The following ABR variants were observed in gnomAD, a reference collection of about 807,000 sequenced individuals.
The protein encoded by ABR is ABR activator of RhoGEF and GTPase.
Under a neutral mutation model 107.2 loss-of-function variants are expected in ABR, and 35 were observed. The observed-to-expected ratio is 0.33, with a 90% confidence interval of 0.25 to 0.43. The LOEUF (loss-of-function observed/expected upper bound fraction) is 0.43. Ranked by LOEUF, ABR falls within the 20% of genes least tolerant of loss-of-function variation. ABR has a pLI of 1.00. For missense variants in ABR, 815 were observed against 1,115.2 expected (o/e 0.73, Z 3.83); for synonymous variants, 498 against 462.0 (o/e 1.08, Z -1.00).
chr17:1,088,154 G>C (rs562758796), intron 4 of ABR, among the ~76,000 whole-genome samples: 75 of 152,308 alleles, frequency 4.9e-4, no homozygotes, highest in Middle Eastern at 3.4e-3. Flanking sequence ...GCTGGGGAGG[G>C]AAAGTGGTGG....
chr17:1,011,676 A>C lies in ABR; in HGVS notation c.2101+170T>G, dbSNP rs1567563066. Reference sequence around the variant, plus strand: ...CAGTTGCTTACCTGCAGCAAGGGACAAGAGATTGGAGGGGAGGGGATTACA... The same window carrying C: ...CAGTTGCTTACCTGCAGCAAGGGACCAGAGATTGGAGGGGAGGGGATTACA... On this transcript the variant is annotated intron_variant, in intron 19 of 22. Transcript: ENST00000302538. This position sits in a 1 kb window ranked among gnomAD's most constrained non-coding sequence, Gnocchi z 4.8. The C allele has an allele frequency of 1.3e-6, 1 of 756,810 alleles. No homozygotes were observed. The highest frequency in any genetic ancestry group is 3.2e-5 in the Admixed American group (1 of 31,136). 46.9% of individuals were successfully genotyped at this position (756,810 alleles called of 1,614,324 possible). A position where few individuals can be genotyped will look rare whatever the true frequency, so the allele number is the denominator to read the frequency against.
intron 2 of ABR, among the ~76,000 whole-genome samples, chr17:1,108,501 G>C (rs947665529): frequency 6.6e-6 from 1 of 152,274 alleles, no homozygotes; most frequent in Non-Finnish European, 1.5e-5. Context: ...CTTCAAGGAA[G>C]CTCAGTGACC....
At chr17:1,014,297 C>T (rs985323504) in intron 16 of ABR, among the ~76,000 whole-genome samples, 13 of 135,452 alleles carry the variant, frequency 9.6e-5, no homozygotes, top group South Asian at 2.6e-4. Flanking sequence ...AAAAATTAGC[C>T]GGGCGTGGTG....
At chr17:1,031,534 G>GC (rs1450964404) in intron 16 of ABR, 5 of 147,362 alleles carry the variant, frequency 3.4e-5, no homozygotes, top group Admixed American at 7.8e-5. Flanking sequence ...AGCCCCCGCA[G>GC]CCCCCCGAGC....
chr17:1,200,294 A>G lies in ABR; in HGVS notation c.838+28499T>C, dbSNP rs531267113. Among the ~76,000 whole-genome samples, 309 of 152,296 alleles carry G rather than the reference A, an allele frequency of 2.0e-3. 2 individuals carry two copies. Among genetic ancestry groups the G allele is most frequent in the Admixed American group, 3.9e-3 (60 of 15,284 alleles). On this transcript the variant is annotated intron_variant, in intron 1 of 22. Transcript: ENST00000574139. This position sits in a 1 kb window ranked among gnomAD's most constrained non-coding sequence, Gnocchi z 4.1. ...GGCAGGCATGGTGACTCACGCCTGTAATCCCAACACTTTCGGACGATCGCT... is the reference window on the plus strand; with the variant it reads ...GGCAGGCATGGTGACTCACGCCTGTGATCCCAACACTTTCGGACGATCGCT...
At chr17:1,226,224 G>A (rs1297013818) in intron 1 of ABR, among the ~76,000 whole-genome samples, 2 of 152,212 alleles carry the variant, frequency 1.3e-5, no homozygotes, top group East Asian at 3.8e-4. Flanking sequence ...CCGCCCGGGT[G>A]CTTCTGTTGC....
In ABR at chr17:1,091,677, G is replaced by A. The variant is rs895193584; in HGVS notation, c.519C>T (p.Leu173=). 6.2e-7 allele frequency: 1 copy of A among 1,613,592 alleles called. No homozygotes were observed. Among genetic ancestry groups the A allele is most frequent in the Admixed American group, 1.7e-5 (1 of 59,988 alleles). The change falls in exon 4 of 23, where the codon CTC becomes CTT. Residue 173 remains leucine, a synonymous_variant. Coordinates refer to ENST00000302538, the MANE Select transcript of ABR (RefSeq NM_021962.5). ...CTGGCAGACTCACCAGCTTCTGGAAGAGGTGGCCCATGGTGACCTGGCTGT... is the reference window on the plus strand; with the variant it reads ...CTGGCAGACTCACCAGCTTCTGGAAAAGGTGGCCCATGGTGACCTGGCTGT... ...QWDSQVTMGH[L]FQKLASQLGV...
chr17:1,018,771 C>G (rs753110460), intron 16 of ABR, among the ~76,000 whole-genome samples: 2 of 152,212 alleles, frequency 1.3e-5, no homozygotes, highest in South Asian at 4.1e-4. Flanking sequence ...GGACTTATCT[C>G]GAGCTCTTCC....
chr17:1,069,339 G>A (rs947821630), intron 9 of ABR, among the ~76,000 whole-genome samples: 3 of 152,156 alleles, frequency 2.0e-5, no homozygotes, highest in Non-Finnish European at 4.4e-5. Context: ...AGGCTATGTA[G>A]TGAAATTAAG....
chr17:1,007,247 G>A lies in ABR; in HGVS notation c.2408C>T (p.Thr803Met), dbSNP rs2070117186. The A allele has an allele frequency of 1.9e-6, 3 of 1,613,988 alleles. No individual in the cohort carries two copies. The highest frequency in any genetic ancestry group is 1.3e-5 in the African/African-American group (1 of 74,920). ...LHNLATVFGP[T>M]LLRPSEVESK... ...CTCCACTTCTGAGGGTCTCAGTAAC[G>A]TGGGTCCAAACACGGTAGCCAGGTT... Residue 803 changes from threonine to methionine, a missense_variant, in exon 22 of 23, where the codon ACG (threonine) becomes ATG (methionine). This residue lies in a region of ABR where 175 missense variants were observed against 284.3 expected (regional missense o/e 0.62). Coordinates refer to ENST00000302538, the MANE Select transcript of ABR (RefSeq NM_021962.5).
chr17:1,068,841 C>G (rs902230817), intron 9 of ABR, among the ~76,000 whole-genome samples: 1 of 152,236 alleles, frequency 6.6e-6, no homozygotes, highest in African/African-American at 2.4e-5. Flanking sequence ...CAAGACTCCT[C>G]TCTCATCTAT....
rs550826025 is a variant in ABR, at chr17:1,092,382, C to T, written c.346-532G>A. Among the ~76,000 whole-genome samples, 2 of 152,322 alleles carry T rather than the reference C, an allele frequency of 1.3e-5. No homozygotes were observed. The highest frequency in any genetic ancestry group is 2.1e-4 in the South Asian group (1 of 4,824). ...GCACAGGGAGAGGCATGGGCGTTCA[C>T]GTGTCCCCCACTGCAGCCCACCCCC... On this transcript the variant is annotated intron_variant, in intron 3 of 22. Coordinates refer to ENST00000302538, the MANE Select transcript of ABR (RefSeq NM_021962.5). The surrounding 1 kb of genome is among the most constrained non-coding windows in gnomAD (Gnocchi z 4.6).
intron 16 of ABR, among the ~76,000 whole-genome samples, chr17:1,038,064 G>A (rs1041296033): frequency 3.3e-5 from 5 of 152,292 alleles, no homozygotes; most frequent in East Asian, 1.9e-4. Flanking sequence ...GAGAGCAGGC[G>A]CCCTGGCTGA....
intron 1 of ABR, among the ~76,000 whole-genome samples, chr17:1,195,781 G>T (rs1157528719): frequency 1.4e-5 from 2 of 144,222 alleles, no homozygotes; most frequent in Admixed American, 1.4e-4. Flanking sequence ...TCCAGCCTGC[G>T]CAACAGAGCG....
intron 16 of ABR, among the ~76,000 whole-genome samples, chr17:1,021,368 G>A (rs908326750): frequency 3.9e-5 from 6 of 152,226 alleles, no homozygotes; most frequent in Non-Finnish European, 8.8e-5. Flanking sequence ...GAGGAGCCCT[G>A]CCTCCAGGCA....
intron 1 of ABR, among the ~76,000 whole-genome samples, chr17:1,129,487 G>A (rs759979256): frequency 3.9e-5 from 6 of 152,062 alleles, no homozygotes; most frequent in Non-Finnish European, 7.3e-5. Context: ...AGCTGAGATC[G>A]CGACACTGCA....
chr17:1,171,541 C>T (rs1164622802), intron 1 of ABR, among the ~76,000 whole-genome samples: 1 of 152,158 alleles, frequency 6.6e-6, no homozygotes, highest in Non-Finnish European at 1.5e-5. Flanking sequence ...TCCTGGAGAC[C>T]CTGCTAGCCT....
At chr17:1,178,426 T>C (rs1182250836) in intron 1 of ABR, among the ~76,000 whole-genome samples, 1 of 150,494 alleles carries the variant, frequency 6.6e-6, no homozygotes, top group Non-Finnish European at 1.5e-5. Context: ...TAGCCGAGAG[T>C]GGTGGTGGGT....
At chr17:1,177,638 G>T (rs2041961841) in intron 1 of ABR, among the ~76,000 whole-genome samples, 1 of 152,174 alleles carries the variant, frequency 6.6e-6, no homozygotes, top group Non-Finnish European at 1.5e-5. Flanking sequence ...GTCTTCTGCT[G>T]CAGAGAAAGC....
Sources: gnomAD v4.1 joint callset for allele counts (sites outside exome capture counted in the v4.1 genomes callset) on GRCh38, gnomAD v4.1.1 for gene constraint, gnomAD v4.1.1 regional missense constraint, Gnocchi (gnomAD v3.1) non-coding constraint, MANE v1.5 for transcripts, NCBI Gene and HGNC (gene_info 2026-07-23, HGNC 2026-07-21) for gene names.